CPAMD8: variants seen among roughly 807,000 people sequenced by gnomAD.
CPAMD8 encodes C3 and PZP-like alpha-2-macroglobulin domain-containing protein 8.
A neutral mutation model predicts 224.7 loss-of-function variants in CPAMD8; 146 were observed. The observed-to-expected ratio is 0.65, with a 90% CI of 0.57 to 0.75. The LOEUF (loss-of-function observed/expected upper bound fraction) is 0.75, where lower values mean the gene tolerates loss of function less well. Ranked by LOEUF, CPAMD8 falls within the 30% of genes least tolerant of loss-of-function variation. The pLI is 0.00. For synonymous variants in CPAMD8, 966 were observed against 1,044.6 expected, an observed-to-expected ratio of 0.92 and a Z score of 1.45; for missense variants, 2,301 against 2,537.5, an observed-to-expected ratio of 0.91 and a Z score of 2.00.
At chr19:16,969,211 G>A (rs1009364639) in intron 18 of CPAMD8, among the ~76,000 whole-genome samples, 2 of 152,154 alleles carry the variant, frequency 1.3e-5, no homozygotes, top group Non-Finnish European at 2.9e-5. Flanking sequence ...CTAATCTTGT[G>A]CACTGGGGTA....
chr19:16,946,099 GTA>G (rs1262618861), intron 21 of CPAMD8, among the ~76,000 whole-genome samples: 1 of 152,058 alleles, frequency 6.6e-6, no homozygotes, highest in Non-Finnish European at 1.5e-5. Context: ...ATGCATGTGT[GTA>G]TGTGTGTGCA....
At position 16,901,226 on chromosome 19, in the gene CPAMD8, A is replaced by T; in HGVS notation, c.4757T>A (p.Ile1586Asn). ...CTGCCTCACCTGCTCCAGGCTCTCG[A>T]TGTCTGCCCGGAAGCCTGACAGCAG... Reference protein sequence around the residue: ...VPLLSGFRADIESLEQLLLDK... With the variant: ...VPLLSGFRADNESLEQLLLDK... The change falls in exon 36 of 42, where the codon ATC becomes AAC. Residue 1586 changes from isoleucine to asparagine, a missense_variant. Ile to Asn is a moderately radical substitution (Grantham distance 149). Transcript: ENST00000443236. 6.2e-7 allele frequency: 1 copy of T among 1,610,948 alleles called. No individual in the cohort carries two copies. Among genetic ancestry groups the T allele is most frequent in the East Asian group, 2.2e-5 (1 of 44,828 alleles).
At chr19:16,920,255 G>A (rs559436080) in intron 27 of CPAMD8, among the ~76,000 whole-genome samples, 27 of 152,054 alleles carry the variant, frequency 1.8e-4, no homozygotes, top group Non-Finnish European at 3.1e-4. Flanking sequence ...CGAGGCGGGC[G>A]GATCACAAGG....
At position 16,925,123 on chromosome 19, in the gene CPAMD8, G is replaced by A. The variant is rs8107868; in HGVS notation, c.3547+73C>T. The A allele has an allele frequency of 4.0e-4, 606 of 1,514,164 alleles. 1 individual carries two copies. In the African/African-American group the frequency reaches 7.0e-3, roughly 18 times the overall value. The allele number at this position is 1,514,164 out of a possible 1,614,324, so 93.8% of individuals were successfully genotyped here. ...ACCTGGTGTGTGGGCCACCTCCAGC[G>A]TGGTCTTCTCCACTGAAGGCTGAAC... On this transcript the variant is annotated intron_variant, in intron 26 of 41. Coordinates refer to ENST00000443236, the MANE Select transcript of CPAMD8 (RefSeq NM_015692.5).
chr19:16,952,792 C>A (rs934193537), intron 19 of CPAMD8, among the ~76,000 whole-genome samples: 64 of 152,230 alleles, frequency 4.2e-4, no homozygotes, highest in African/African-American at 1.5e-3. Flanking sequence ...TCAAAACTAC[C>A]CAAAGTGATC....
intron 7 of CPAMD8, among the ~76,000 whole-genome samples, 197 bp from the exon 8 acceptor site, chr19:17,004,583 C>T (rs1007626073): frequency 3.3e-5 from 5 of 152,142 alleles, no homozygotes; most frequent in South Asian, 2.1e-4. Context: ...TTTGACACCC[C>T]GGCGGGCTTC....
chr19:17,023,098 AAAC>A, intron 1 of CPAMD8, among the ~76,000 whole-genome samples: 1 of 152,140 alleles, frequency 6.6e-6, no homozygotes, highest in Non-Finnish European at 1.5e-5. Flanking sequence ...CCCTGAAAAC[AAAC>A]CATAGGGCCT....
At chr19:16,960,633 G>A (rs1313200749) in intron 18 of CPAMD8, among the ~76,000 whole-genome samples, 3 of 151,894 alleles carry the variant, frequency 2.0e-5, no homozygotes, top group Non-Finnish European at 4.4e-5. Context: ...TGGGCACAGT[G>A]GCTCACACCT....
chr19:16,989,973 T>TG (rs554631144), intron 12 of CPAMD8, among the ~76,000 whole-genome samples: 44 of 152,172 alleles, frequency 2.9e-4, no homozygotes, highest in African/African-American at 9.9e-4. Flanking sequence ...AGTGTCCAGC[T>TG]GGGCACAGTG....
chr19:17,024,192 A>G (rs1040510016), intron 1 of CPAMD8, among the ~76,000 whole-genome samples: 1 of 152,224 alleles, frequency 6.6e-6, no homozygotes, highest in African/African-American at 2.4e-5. Context: ...TTTCATGCAC[A>G]CGAACAATGG....
chr19:16,899,766 C>G lies in CPAMD8; in HGVS notation c.4774-217G>C, dbSNP rs1340241695. Among the ~76,000 whole-genome samples, 1 of 152,152 alleles carries G rather than the reference C, an allele frequency of 6.6e-6. No individual in the cohort carries two copies. The highest frequency in any genetic ancestry group is 1.5e-5 in the Non-Finnish European group (1 of 68,036). ...ATCCCCGCTGGGAGCACCTGCCTCGCCTCCCTATACACTCCCTCAACCCAG... is the reference window on the plus strand; with the variant it reads ...ATCCCCGCTGGGAGCACCTGCCTCGGCTCCCTATACACTCCCTCAACCCAG... On this transcript the variant is annotated intron_variant, in intron 36 of 41. Transcript: ENST00000443236. The surrounding 1 kb of genome is among the most constrained non-coding windows in gnomAD (Gnocchi z 5.4).
chr19:16,960,445 T>C (rs975083024), intron 18 of CPAMD8, among the ~76,000 whole-genome samples: 9 of 145,706 alleles, frequency 6.2e-5, no homozygotes, highest in Non-Finnish European at 7.7e-5. Flanking sequence ...TGGACTATTA[T>C]ATATTTGTAA....
intron 13 of CPAMD8, among the ~76,000 whole-genome samples, chr19:16,985,617 T>A (rs1017511277): frequency 1.4e-5 from 2 of 144,032 alleles, no homozygotes; most frequent in Admixed American, 6.9e-5. Context: ...GGATGATGGA[T>A]GGATGAAGGG....
intron 11 of CPAMD8, among the ~76,000 whole-genome samples, chr19:16,996,717 G>T (rs1451418849): frequency 6.6e-6 from 1 of 151,808 alleles, no homozygotes; most frequent in Non-Finnish European, 1.5e-5. Flanking sequence ...TACTTGGGAG[G>T]CTGAGGCAGG....
chr19:16,998,226 A>G (rs1359949584), intron 10 of CPAMD8, among the ~76,000 whole-genome samples: 3 of 152,180 alleles, frequency 2.0e-5, no homozygotes, highest in Non-Finnish European at 4.4e-5. Flanking sequence ...TTGGAAGGCC[A>G]GCAGCGGCAG....
intron 19 of CPAMD8, among the ~76,000 whole-genome samples, chr19:16,957,227 G>T (rs1033806162): frequency 1.3e-5 from 2 of 152,176 alleles, no homozygotes; most frequent in African/African-American, 2.4e-5. Flanking sequence ...CCTTGTGCCT[G>T]GAGGAAGGGC....
chr19:16,957,235 G>C lies in CPAMD8; in HGVS notation c.2276+618C>G, dbSNP rs573773333. Among the ~76,000 whole-genome samples the C allele has an allele frequency of 3.3e-5, 5 of 152,326 alleles. No homozygotes were observed. In the East Asian group the frequency reaches 7.7e-4, roughly 24 times the overall value. ...CACAGCACCTTGTGCCTGGAGGAAG[G>C]GCACAGCTCCAGCAGTCAGCCCACC... is the stretch of plus-strand genomic sequence containing the variant. On this transcript the variant is annotated intron_variant, in intron 19 of 41. Coordinates refer to ENST00000443236, the MANE Select transcript of CPAMD8 (RefSeq NM_015692.5).
chr19:16,933,169 T>C (rs1466416744), intron 23 of CPAMD8, among the ~76,000 whole-genome samples: 2 of 152,134 alleles, frequency 1.3e-5, no homozygotes, highest in South Asian at 2.1e-4. Context: ...CTTTGATGCA[T>C]ATCTTGCATG....
intron 6 of CPAMD8, 39 bp downstream of exon 6, chr19:17,009,264 G>A: frequency 6.2e-7 from 1 of 1,613,914 alleles, no homozygotes; most frequent in Non-Finnish European, 8.5e-7. Context: ...GGCTACCCGG[G>A]CCCCAAGTCC....
Sources: allele counts gnomAD v4.1 joint callset (sites outside exome capture counted in the v4.1 genomes callset), GRCh38; gene constraint gnomAD v4.1.1; non-coding constraint Gnocchi (gnomAD v3.1); transcripts MANE v1.5; gene names NCBI Gene and HGNC (gene_info 2026-07-23, HGNC 2026-07-21).